LPXN: variants seen among roughly 807,000 people sequenced by gnomAD.
LPXN encodes leupaxin.
In LPXN, 28 loss-of-function variants were observed where a neutral mutation model predicts 45.6. The ratio of observed to expected loss-of-function variants is 0.61; its 90% CI spans 0.45 to 0.84. LPXN has a LOEUF of 0.84. LPXN is among the 40% of genes least tolerant of loss of function. The pLI is 0.00. For missense variants in LPXN, 459 were observed against 475.0 expected, an observed-to-expected ratio of 0.97 and a Z score of 0.31; for synonymous variants, 166 against 169.9, an observed-to-expected ratio of 0.98 and a Z score of 0.18.
chr11:58,551,254 G>C (rs1854044389), intron 4 of LPXN, 22 bp from the exon 5 acceptor site: 1 of 1,578,894 alleles, frequency 6.3e-7, no homozygotes, highest in Non-Finnish European at 8.6e-7. Context: ...GAAGAACCAA[G>C]AACAGAATCA....
At chr11:58,542,830 T>C (rs1339988454) in intron 7 of LPXN, among the ~76,000 whole-genome samples, 1 of 152,214 alleles carries the variant, frequency 6.6e-6, no homozygotes. Context: ...TGAATAAATG[T>C]AGAAAAACAT....
chr11:58,546,561 T>C (rs1853881044), intron 7 of LPXN, among the ~76,000 whole-genome samples: 2 of 152,192 alleles, frequency 1.3e-5, no homozygotes, highest in South Asian at 4.1e-4. Context: ...TTTAGCATAA[T>C]TGACTCAACA....
chr11:58,528,271 A>G (rs1483045451), intron 7 of LPXN, 80 bp from the exon 8 acceptor site: 20 of 1,303,364 alleles, frequency 1.5e-5, no homozygotes, highest in Non-Finnish European at 1.9e-5. Flanking sequence ...AGGCCCTTTC[A>G]ATCTCAGTGT....
intron 2 of LPXN, among the ~76,000 whole-genome samples, chr11:58,566,606 A>C (rs1854534734): frequency 6.6e-6 from 1 of 152,224 alleles, no homozygotes; most frequent in African/African-American, 2.4e-5. Flanking sequence ...CTGAAGCACA[A>C]TTGTCAAAAT....
At chr11:58,546,293 C>T (rs1853873914) in intron 7 of LPXN, among the ~76,000 whole-genome samples, 1 of 152,102 alleles carries the variant, frequency 6.6e-6, no homozygotes, top group African/African-American at 2.4e-5. Flanking sequence ...CTCTTCAAGG[C>T]TAGAAACAGG....
At chr11:58,539,335 T>C (rs560757389) in intron 7 of LPXN, among the ~76,000 whole-genome samples, 2 of 152,270 alleles carry the variant, frequency 1.3e-5, no homozygotes, top group Non-Finnish European at 2.9e-5. Flanking sequence ...CCTTAAAAAG[T>C]AGATCTGAAG....
At chr11:58,527,924 G>T in intron 8 of LPXN, 119 bp downstream of exon 8, 1 of 1,249,326 alleles carries the variant, frequency 8.0e-7, no homozygotes, top group Non-Finnish European at 1.1e-6. Flanking sequence ...TCTCCTTTAG[G>T]ATGCGCACAT....
Position 58,570,578 on chromosome 11 carries a change from T to C in LPXN, c.149A>G (p.Gln50Arg), listed in dbSNP as rs1854661233. The change falls in exon 2 of 9, where the codon CAG becomes CGG. Residue 50 changes from glutamine to arginine, a missense_variant. By Grantham distance (43) the Gln-to-Arg change is conservative (BLOSUM62 1). Transcript: ENST00000395074. ...TACCGGCAAGGGACTTGTGTTATCC[T>C]GAATAGAAAGGATCTCCGAAGTCTC... ...LDETSEILSIQDNTSPLPAQL... is the reference protein window; with the variant it reads ...LDETSEILSIRDNTSPLPAQL... 2 of 1,612,690 alleles carry C rather than the reference T, an allele frequency of 1.2e-6. No individual in the cohort carries two copies. Among genetic ancestry groups the C allele is most frequent in the East Asian group, 4.5e-5 (2 of 44,866 alleles).
chr11:58,557,603 A>G (rs1854243548), intron 3 of LPXN, among the ~76,000 whole-genome samples: 1 of 152,208 alleles, frequency 6.6e-6, no homozygotes, highest in South Asian at 2.1e-4. Flanking sequence ...GCAGATATGT[A>G]AGATGAACAA....
chr11:58,568,266 A>G (rs563839891), intron 2 of LPXN, among the ~76,000 whole-genome samples: 2 of 152,326 alleles, frequency 1.3e-5, no homozygotes, highest in South Asian at 4.1e-4. Flanking sequence ...ATCAAGAAAA[A>G]AGACAAGTTA....
intron 4 of LPXN, 24 bp downstream of exon 4, chr11:58,554,817 G>A (rs111914867): frequency 6.2e-7 from 1 of 1,601,226 alleles, no homozygotes; most frequent in Non-Finnish European, 8.5e-7. Context: ...ACCTTGGCCT[G>A]CACTCACCTT....
intron 7 of LPXN, among the ~76,000 whole-genome samples, chr11:58,531,356 A>C (rs1242119819): frequency 6.6e-6 from 1 of 152,092 alleles, no homozygotes; most frequent in Non-Finnish European, 1.5e-5. Flanking sequence ...TTTAGAGAAG[A>C]ACATACATGA....
rs777112992 is a variant in LPXN, at chr11:58,549,838, C to T, written c.690G>A (p.Trp230Ter). The T allele has an allele frequency of 2.5e-6, 4 of 1,613,966 alleles. No homozygotes were observed. The highest frequency in any genetic ancestry group is 1.3e-5 in the African/African-American group (1 of 74,878). Residue 230 changes from tryptophan to a stop codon, truncating the protein, a stop_gained, in exon 7 of 9, where the codon TGG becomes TGA. Transcript: ENST00000395074. LOFTEE classifies it high-confidence loss of function. ...DKVLTAMNQTWHPEHFFCSHC... is the reference protein window; with the variant it reads ...DKVLTAMNQT ...GAGAGCAGAAGAAGTGCTCTGGGTG[C>T]CAGGTCTGGTTCATTGCTGTCAGCA...
chr11:58,557,802 A>C (rs1365288841), intron 3 of LPXN, among the ~76,000 whole-genome samples: 1 of 152,216 alleles, frequency 6.6e-6, no homozygotes, highest in Non-Finnish European at 1.5e-5. Flanking sequence ...AACTATTCAT[A>C]ACCCATAACA....
chr11:58,549,981 TGGGAGCA>T lies in LPXN; in HGVS notation c.645_651del (p.Ala216SerfsTer6). The T allele has an allele frequency of 1.2e-5, 19 of 1,614,076 alleles. No homozygotes were observed. Among genetic ancestry groups the T allele is most frequent in the Non-Finnish European group, 1.6e-5 (19 of 1,179,962 alleles). On this transcript the variant is annotated frameshift_variant, in exon 6 of 9. Coordinates refer to ENST00000395074, the MANE Select transcript of LPXN (RefSeq NM_004811.3). LOFTEE classifies it high-confidence loss of function. ...AGCGGGGATTTACTTACATCCAGGA[TGGGAGCA>T]GCGCAGTAAGCACAGCGTGGAGAAA...
At chr11:58,536,787 T>C (rs1345758198) in intron 7 of LPXN, among the ~76,000 whole-genome samples, 1 of 151,026 alleles carries the variant, frequency 6.6e-6, no homozygotes, top group Non-Finnish European at 1.5e-5. Context: ...ATCTAGAATC[T>C]ACAAAGAACT....
chr11:58,567,124 A>G (rs550837312), intron 2 of LPXN, among the ~76,000 whole-genome samples: 1 of 152,338 alleles, frequency 6.6e-6, no homozygotes. Context: ...TTTTGTGCAC[A>G]TTACAACCAA....
At chr11:58,556,712 A>G (rs1023554703) in intron 3 of LPXN, among the ~76,000 whole-genome samples, 1 of 152,144 alleles carries the variant, frequency 6.6e-6, no homozygotes, top group African/African-American at 2.4e-5. Flanking sequence ...TTTCTTATTG[A>G]TCATCAATAA....
At chr11:58,557,370 A>G (rs1014120871) in intron 3 of LPXN, among the ~76,000 whole-genome samples, 1 of 152,226 alleles carries the variant, frequency 6.6e-6, no homozygotes, top group Non-Finnish European at 1.5e-5. Context: ...ACAACAGAAT[A>G]TTAGTGAGCC....
Sources: allele counts gnomAD v4.1 joint callset (sites outside exome capture counted in the v4.1 genomes callset), GRCh38; gene constraint gnomAD v4.1.1; transcripts MANE v1.5; gene names NCBI Gene and HGNC (gene_info 2026-07-23, HGNC 2026-07-21).